The following ARHGEF10 variants were observed in gnomAD, a reference collection of about 807,000 sequenced individuals.
ARHGEF10 encodes Rho guanine nucleotide exchange factor 10.
Under a neutral mutation model 147.4 loss-of-function variants are expected in ARHGEF10, and 140 were observed. The observed-to-expected ratio is 0.95, with a 90% CI of 0.83 to 1.09. The LOEUF is 1.09. Among genes scored for constraint, ARHGEF10 ranks in the 50% least tolerant of loss-of-function variants. The pLI is 0.00. For synonymous variants in ARHGEF10, 902 were observed against 695.8 expected, an observed-to-expected ratio of 1.30 and a Z score of -4.67; for missense variants, 2,222 against 1,752.7, an observed-to-expected ratio of 1.27 and a Z score of -4.78.
At chr8:1,845,816 A>C (rs1457530203) in intron 2 of ARHGEF10, among the ~76,000 whole-genome samples, 1 of 152,138 alleles carries the variant, frequency 6.6e-6, no homozygotes, top group African/African-American at 2.4e-5. Flanking sequence ...ATAGGACTCC[A>C]CTTTGTGTGT....
chr8:1,928,781 G>A lies in ARHGEF10; in HGVS notation c.2921+131G>A, dbSNP rs903125064. 4.8e-6 allele frequency: 5 copies of A among 1,030,938 alleles called. No homozygotes were observed. The South Asian group carries it at 6.8e-5, about 14-fold the overall frequency. The allele number at this position is 1,030,938 out of a possible 1,614,324, so 63.9% of individuals were successfully genotyped here. A position where few individuals can be genotyped will look rare whatever the true frequency, so the allele number is the denominator to read the frequency against. On this transcript the variant is annotated intron_variant, in intron 24 of 28. Coordinates refer to ENST00000349830, the MANE Select transcript of ARHGEF10 (RefSeq NM_014629.4). ...CCCGTGCAGGAATTAGGGGATACCA[G>A]GGGAAATTTTTAGGGTCATTGCACT...
intron 16 of ARHGEF10, chr8:1,903,687 A>C: frequency 1.7e-6 from 1 of 594,140 alleles, no homozygotes; most frequent in Non-Finnish European, 3.0e-6. Flanking sequence ...TCATACATTC[A>C]TTAGACCCTC....
At chr8:1,862,775 CTTTTTTTTTTTT>C (rs10594929) in intron 4 of ARHGEF10, among the ~76,000 whole-genome samples, 2 of 120,490 alleles carry the variant, frequency 1.7e-5, no homozygotes, top group Middle Eastern at 4.3e-3. Flanking sequence ...TTTTCTTCTT[CTTTTTTTTTTTT>C]TTTTTTTTTG....
intron 7 of ARHGEF10, 113 bp downstream of exon 7, chr8:1,869,363 G>T: frequency 1.1e-6 from 1 of 901,266 alleles, no homozygotes; most frequent in Non-Finnish European, 1.8e-6. Context: ...TTCATGTTTT[G>T]TATGTTGCTT....
At chr8:1,911,703 T>C (rs1421244165) in intron 18 of ARHGEF10, among the ~76,000 whole-genome samples, 1 of 152,142 alleles carries the variant, frequency 6.6e-6, no homozygotes, top group Admixed American at 6.5e-5. Context: ...CTATGTGGTA[T>C]CACATCCATC....
At chr8:1,916,003 A>C (rs1210986440) in intron 18 of ARHGEF10, among the ~76,000 whole-genome samples, 1 of 152,218 alleles carries the variant, frequency 6.6e-6, no homozygotes, top group African/African-American at 2.4e-5. Flanking sequence ...GTCTCAGGAA[A>C]GCTATCATAG....
chr8:1,898,150 C>A (rs1377457360), intron 14 of ARHGEF10, among the ~76,000 whole-genome samples: 1 of 152,146 alleles, frequency 6.6e-6, no homozygotes, highest in Non-Finnish European at 1.5e-5. Context: ...CACAGACACC[C>A]AAGGACAGCC....
chr8:1,899,638 C>T (rs902706022), intron 15 of ARHGEF10, among the ~76,000 whole-genome samples: 1 of 152,126 alleles, frequency 6.6e-6, no homozygotes, highest in Non-Finnish European at 1.5e-5. Flanking sequence ...TTAATTTTAT[C>T]CTCTGGCTTA....
chr8:1,905,690 G>C lies in ARHGEF10; in HGVS notation c.1941G>C (p.Val647=), dbSNP rs778045084. The part of the protein sequence containing the change: ...KERRVFMLND[V]LMCATVSSRP... ...GCCGAGTCTTCATGTTAAATGATGT[G>C]TTAATGTGTGCCACCGTCAGCTCAC... Residue 647 remains valine, a synonymous_variant, in exon 17 of 29, where the codon GTG becomes GTC. Coordinates refer to ENST00000349830, the MANE Select transcript of ARHGEF10 (RefSeq NM_014629.4). The C allele has an allele frequency of 6.2e-7, 1 of 1,613,984 alleles. No individual in the cohort carries two copies. The highest frequency in any genetic ancestry group is 8.5e-7 in the Non-Finnish European group (1 of 1,180,052).
chr8:1,825,521 C>T (rs547493516), intron 1 of ARHGEF10, among the ~76,000 whole-genome samples: 2 of 149,702 alleles, frequency 1.3e-5, no homozygotes, highest in African/African-American at 4.9e-5. Context: ...ACCTGTTCCC[C>T]TGCACCCCAC....
chr8:1,875,384 G>A (rs1222742857), intron 7 of ARHGEF10, among the ~76,000 whole-genome samples: 1 of 152,110 alleles, frequency 6.6e-6, no homozygotes, highest in African/African-American at 2.4e-5. Flanking sequence ...TTGGGCACGT[G>A]GGTAGGCTCT....
chr8:1,875,778 T>C (rs1807645058), intron 7 of ARHGEF10, among the ~76,000 whole-genome samples: 1 of 152,254 alleles, frequency 6.6e-6, no homozygotes, highest in Non-Finnish European at 1.5e-5. Context: ...TGGCTTTGAA[T>C]GTTACTTATG....
intron 3 of ARHGEF10, among the ~76,000 whole-genome samples, chr8:1,858,328 G>A (rs1200443605): frequency 6.6e-6 from 1 of 151,958 alleles, no homozygotes; most frequent in Non-Finnish European, 1.5e-5. Flanking sequence ...CGGACTCGCC[G>A]ATTTTCTCCC....
At chr8:1,850,518 A>G (rs1040751613) in intron 2 of ARHGEF10, among the ~76,000 whole-genome samples, 1 of 151,058 alleles carries the variant, frequency 6.6e-6, no homozygotes, top group Non-Finnish European at 1.5e-5. Flanking sequence ...GTGGACACAG[A>G]TGGCAAATGC....
chr8:1,918,467 TGTG>T (rs1811928557), intron 18 of ARHGEF10, among the ~76,000 whole-genome samples: 1 of 108,052 alleles, frequency 9.3e-6, no homozygotes, highest in South Asian at 2.8e-4. Context: ...TGGCTGTGTG[TGTG>T]TGTGTGTGTG....
Position 1,843,314 on chromosome 8 carries a change from C to T in ARHGEF10, c.-47-39C>T, listed in dbSNP as rs761223276. 2.1e-5 allele frequency: 32 copies of T among 1,541,854 alleles called. 1 individual carries two copies. The Middle Eastern group carries it at 1.2e-3, about 58-fold the overall frequency. ...TACACCTATTGAGTGCATGTTTATC[C>T]ACCTGAACGGTGACAAGCAGTGTCT... On this transcript the variant is annotated intron_variant, in intron 1 of 28. Transcript: ENST00000349830.
rs144837696 is a variant in ARHGEF10, at chr8:1,860,043, G to A, written c.340G>A (p.Glu114Lys). Residue 114 changes from glutamate (E) to lysine (K), a missense_variant, in exon 4 of 29, where the codon GAG becomes AAG. Glu to Lys is a moderately conservative substitution (Grantham distance 56, BLOSUM62 1). Transcript: ENST00000349830. ...QPPTPVPSAEEENVGLHVPCG... is the reference protein window; with the variant it reads ...QPPTPVPSAEKENVGLHVPCG... ...GCCCACCCCCGTGCCCAGCGCTGAG[G>A]AGGAGAATGTGGGTCTCCATGTGCC... 259 of 1,614,134 alleles carry A rather than the reference G, an allele frequency of 1.6e-4. 3 individuals are homozygous for A. In the African/African-American group the frequency reaches 3.3e-3, roughly 21 times the overall value.
At chr8:1,846,816 A>G (rs1196746502) in intron 2 of ARHGEF10, among the ~76,000 whole-genome samples, 2 of 152,178 alleles carry the variant, frequency 1.3e-5, no homozygotes, top group Non-Finnish European at 2.9e-5. Context: ...ACCTCAAGTG[A>G]TCTGCCCACG....
intron 13 of ARHGEF10, among the ~76,000 whole-genome samples, chr8:1,895,643 A>G (rs1809907673): frequency 6.6e-6 from 1 of 152,218 alleles, no homozygotes; most frequent in Non-Finnish European, 1.5e-5. Context: ...AACATTTTTA[A>G]AAATGCAAAC....
Sources: gnomAD v4.1 joint callset for allele counts (sites outside exome capture counted in the v4.1 genomes callset) on GRCh38, gnomAD v4.1.1 for gene constraint, MANE v1.5 for transcripts, NCBI Gene and HGNC (gene_info 2026-07-23, HGNC 2026-07-21) for gene names.